METTL15: variants seen among roughly 807,000 people sequenced by gnomAD.
The protein encoded by METTL15 is 12S rRNA N(4)-cytidine methyltransferase METTL15.
A neutral mutation model predicts 38.3 loss-of-function variants in METTL15; 34 were observed. That is an observed-to-expected ratio of 0.89 (90% CI 0.68 to 1.18). The LOEUF (loss-of-function observed/expected upper bound fraction) is 1.18, where lower values mean the gene tolerates loss of function less well. Ranked by LOEUF, METTL15 falls within the 50% of genes most tolerant of loss-of-function variation. The pLI is 0.00. For missense variants in METTL15, 438 were observed against 498.4 expected (o/e 0.88, Z 1.15); for synonymous variants, 162 against 170.9 (o/e 0.95, Z 0.41).
At chr11:28,328,584 C>G (rs1849713272) in intron 6 of METTL15, among the ~76,000 whole-genome samples, 1 of 152,022 alleles carries the variant, frequency 6.6e-6, no homozygotes, top group Non-Finnish European at 1.5e-5. Flanking sequence ...CACTACTTCT[C>G]TATGGGATAA....
At chr11:28,248,815 G>GA (rs1015407557) in intron 4 of METTL15, among the ~76,000 whole-genome samples, 4 of 149,202 alleles carry the variant, frequency 2.7e-5, no homozygotes, top group South Asian at 2.1e-4. Flanking sequence ...TTTATTATTA[G>GA]AAAAAAAAAG....
intron 3 of METTL15, among the ~76,000 whole-genome samples, chr11:28,181,893 A>G (rs1851304106): frequency 6.6e-6 from 1 of 151,914 alleles, no homozygotes; most frequent in Admixed American, 6.6e-5. Context: ...AAGTATTCCT[A>G]TTTCTCCACA....
chr11:28,274,572 T>C (rs1049284538), intron 4 of METTL15, among the ~76,000 whole-genome samples: 3 of 151,978 alleles, frequency 2.0e-5, no homozygotes, highest in Non-Finnish European at 4.4e-5. Context: ...TGAATACATA[T>C]ATAGAGTAGA....
intron 4 of METTL15, among the ~76,000 whole-genome samples, chr11:28,253,659 T>C (rs1020782766): frequency 7.7e-6 from 1 of 129,588 alleles, no homozygotes; most frequent in African/African-American, 2.9e-5. Context: ...TCTCAGTCTC[T>C]GGTAACCATC....
intron 4 of METTL15, among the ~76,000 whole-genome samples, chr11:28,357,901 G>A (rs1488401277): frequency 6.6e-6 from 1 of 152,086 alleles, no homozygotes; most frequent in East Asian, 1.9e-4. Context: ...AATGTAATAT[G>A]TCAAGTGTTA....
intron 3 of METTL15, among the ~76,000 whole-genome samples, chr11:28,185,939 A>G (rs983583611): frequency 1.3e-5 from 2 of 150,062 alleles, no homozygotes; most frequent in African/African-American, 4.9e-5. Flanking sequence ...TATATTTTTA[A>G]AATATATGTG....
chr11:28,244,474 T>C (rs1053847397), intron 4 of METTL15, among the ~76,000 whole-genome samples: 1 of 152,270 alleles, frequency 6.6e-6, no homozygotes, highest in African/African-American at 2.4e-5. Flanking sequence ...TTTTCTTTTT[T>C]AATTTGTGTT....
chr11:28,192,444 G>A (rs1194981932), intron 3 of METTL15, among the ~76,000 whole-genome samples: 1 of 134,980 alleles, frequency 7.4e-6, no homozygotes, highest in Non-Finnish European at 1.6e-5. Context: ...TTTTTTTTTT[G>A]CACATTTTTA....
At chr11:28,147,052 TC>T (rs960991205) in intron 3 of METTL15, among the ~76,000 whole-genome samples, 15 of 151,904 alleles carry the variant, frequency 9.9e-5, no homozygotes, top group Admixed American at 6.6e-4. Flanking sequence ...GCAAGTATGT[TC>T]TGGCAAAATG....
intron 5 of METTL15, among the ~76,000 whole-genome samples, chr11:28,377,029 G>A (rs1331181507): frequency 7.7e-6 from 1 of 130,236 alleles, no homozygotes; most frequent in African/African-American, 2.6e-5. Context: ...CGAGAGATCC[G>A]CTGTTAGTCT....
chr11:28,230,107 C>T (rs1417343808), intron 4 of METTL15, among the ~76,000 whole-genome samples: 1 of 151,948 alleles, frequency 6.6e-6, no homozygotes, highest in Non-Finnish European at 1.5e-5. Flanking sequence ...AATCTTGAGT[C>T]ACCTTCATTA....
intron 6 of METTL15, among the ~76,000 whole-genome samples, chr11:28,506,404 T>G (rs1239182917): frequency 6.6e-6 from 1 of 152,204 alleles, no homozygotes; most frequent in Non-Finnish European, 1.5e-5. Flanking sequence ...ATTTTATTAC[T>G]TGGAAAACAA....
chr11:28,206,276 A>AT (rs1361130484), intron 3 of METTL15, among the ~76,000 whole-genome samples: 1 of 151,742 alleles, frequency 6.6e-6, no homozygotes, highest in Non-Finnish European at 1.5e-5. Flanking sequence ...TCTTGAATTA[A>AT]TTTTTGTATA....
At chr11:28,242,020 A>G (rs1854320797) in intron 4 of METTL15, among the ~76,000 whole-genome samples, 1 of 152,202 alleles carries the variant, frequency 6.6e-6, no homozygotes, top group Non-Finnish European at 1.5e-5. Flanking sequence ...TATGTTGAGT[A>G]CACTCTCAAG....
chr11:28,298,275 A>G (rs999274736), intron 6 of METTL15, among the ~76,000 whole-genome samples: 4 of 151,984 alleles, frequency 2.6e-5, no homozygotes, highest in Non-Finnish European at 5.9e-5. Flanking sequence ...TTATTTAGCT[A>G]TGTGTTATTA....
chr11:28,524,859 G>A lies in METTL15; in HGVS notation c.*425-1619G>A, dbSNP rs140319113. Among the ~76,000 whole-genome samples the A allele has an allele frequency of 7.2e-5, 11 of 152,240 alleles. No homozygotes were observed. The East Asian group carries it at 7.7e-4, about 11-fold the overall frequency. On this transcript the variant is annotated intron_variant and NMD_transcript_variant, in intron 6 of 7. Coordinates refer to the METTL15 transcript ENST00000532947. Reference sequence around the variant, plus strand: ...TCACTGACTTCAAGAATGAAGCCGCGGACCCTCGCAGTGAGTGTTACAGTT... The same window carrying A: ...TCACTGACTTCAAGAATGAAGCCGCAGACCCTCGCAGTGAGTGTTACAGTT...
At chr11:28,386,054 A>G (rs1850437420) in intron 5 of METTL15, among the ~76,000 whole-genome samples, 1 of 152,110 alleles carries the variant, frequency 6.6e-6, no homozygotes. Flanking sequence ...GATGATTATA[A>G]CTATGAAATG....
chr11:28,517,288 T>C (rs76938970), intron 6 of METTL15: 3 of 145,504 alleles, frequency 2.1e-5, no homozygotes, highest in African/African-American at 7.5e-5. Flanking sequence ...TCCAAGGGTA[T>C]TTTTTTTTTT....
At chr11:28,497,787 G>A (rs763782065) in intron 6 of METTL15, among the ~76,000 whole-genome samples, 22 of 152,060 alleles carry the variant, frequency 1.4e-4, no homozygotes, top group African/African-American at 4.8e-4. Context: ...GGCTGGATGC[G>A]GTGACTCACA....
Sources: allele counts gnomAD v4.1 joint callset (sites outside exome capture counted in the v4.1 genomes callset), GRCh38; gene constraint gnomAD v4.1.1; transcripts MANE v1.5; gene names NCBI Gene and HGNC (gene_info 2026-07-23, HGNC 2026-07-21).